CALCR: variants seen among roughly 807,000 people sequenced by gnomAD.
CALCR encodes calcitonin receptor.
Under a neutral mutation model 59.5 loss-of-function variants are expected in CALCR, and 47 were observed. That is an observed-to-expected ratio of 0.79 (90% CI 0.63 to 1.01). The LOEUF (loss-of-function observed/expected upper bound fraction) is 1.01, where lower values mean the gene tolerates loss of function less well. Ranked by LOEUF, CALCR falls within the 50% of genes least tolerant of loss-of-function variation. The pLI, the probability that CALCR is intolerant of heterozygous loss-of-function variation, is 0.00. For missense variants in CALCR, 566 were observed against 597.1 expected (o/e 0.95, Z 0.54); for synonymous variants, 213 against 211.3 (o/e 1.01, Z -0.07).
chr7:93,484,140 G>T, intron 3 of CALCR: 1 of 302,502 alleles, frequency 3.3e-6, no homozygotes, highest in South Asian at 2.7e-5. Context: ...AACCAAACTG[G>T]CAAGCCACCT....
At chr7:93,539,267 T>C (rs118064913) in intron 2 of CALCR, among the ~76,000 whole-genome samples, 2,381 of 152,296 alleles carry the variant, frequency 0.016, 26 homozygotes, top group Middle Eastern at 0.034. Context: ...TCTACATTTA[T>C]TGACTATATC....
rs55879216 is a variant in CALCR at position 93,554,769 on chromosome 7, G to GTATATATA, written c.-27+19512_-27+19519dup. ...ATAGATGTTCAAATTGCCAGGCCAT[G>GTATATATA]TATATATATATATATATATATATTA... is the stretch of plus-strand genomic sequence containing the variant. On this transcript the variant is annotated intron_variant, in intron 2 of 13. Transcript: ENST00000426151. Among the ~76,000 whole-genome samples, 739 of 117,210 alleles carry GTATATATA rather than the reference G, an allele frequency of 6.3e-3. 22 individuals carry two copies. The highest frequency in any genetic ancestry group is 6.9e-3 in the Non-Finnish European group (429 of 62,240). The allele number at this position is 117,210 out of a possible 152,430, so 76.9% of individuals were successfully genotyped here.
chr7:93,563,650 T>C (rs1458705149), intron 2 of CALCR, among the ~76,000 whole-genome samples: 1 of 152,228 alleles, frequency 6.6e-6, no homozygotes, highest in Non-Finnish European at 1.5e-5. Flanking sequence ...CGCTATTTAA[T>C]TCTCTTTACT....
chr7:93,529,558 T>C (rs1479495572), intron 2 of CALCR, among the ~76,000 whole-genome samples: 1 of 152,158 alleles, frequency 6.6e-6, no homozygotes, highest in Non-Finnish European at 1.5e-5. Context: ...AAGAACTACA[T>C]ATTTATTTTT....
At chr7:93,522,669 T>G (rs1801789301) in intron 2 of CALCR, among the ~76,000 whole-genome samples, 1 of 152,190 alleles carries the variant, frequency 6.6e-6, no homozygotes, top group South Asian at 2.1e-4. Flanking sequence ...TTAGTAGTCT[T>G]TGCAAGATCA....
chr7:93,496,065 A>G (rs1033184632), intron 2 of CALCR: 1 of 649,124 alleles, frequency 1.5e-6, no homozygotes. Flanking sequence ...CTTGAAAAGC[A>G]AAGTTAAATT....
At chr7:93,528,195 A>T (rs1788721703) in intron 2 of CALCR, among the ~76,000 whole-genome samples, 1 of 152,132 alleles carries the variant, frequency 6.6e-6, no homozygotes. Context: ...TGCTTACTAC[A>T]CTCATTTATG....
At chr7:93,557,499 A>G (rs954854922) in intron 2 of CALCR, among the ~76,000 whole-genome samples, 2 of 134,682 alleles carry the variant, frequency 1.5e-5, no homozygotes, top group Admixed American at 1.4e-4. Flanking sequence ...TACATCGTGA[A>G]TACTTTTTCC....
At chr7:93,443,808 C>A in intron 8 of CALCR, 51 bp from the exon 9 acceptor site, 2 of 1,520,488 alleles carry the variant, frequency 1.3e-6, no homozygotes, top group Non-Finnish European at 1.8e-6. Context: ...TAAAGATCTG[C>A]CAGGGAGCAC....
chr7:93,443,229 A>T (rs1799946451), intron 9 of CALCR, among the ~76,000 whole-genome samples: 1 of 152,194 alleles, frequency 6.6e-6, no homozygotes, highest in Admixed American at 6.5e-5. Context: ...GGGGAGGTAC[A>T]TAATTCAAAA....
At chr7:93,468,028 G>A (rs1800476551) in intron 7 of CALCR, among the ~76,000 whole-genome samples, 1 of 151,530 alleles carries the variant, frequency 6.6e-6, no homozygotes, top group African/African-American at 2.4e-5. Flanking sequence ...TGTTATGAGT[G>A]CTTTATTTTC....
chr7:93,565,338 C>A (rs1265745479), intron 2 of CALCR, among the ~76,000 whole-genome samples: 1 of 152,154 alleles, frequency 6.6e-6, no homozygotes, highest in Non-Finnish European at 1.5e-5. Context: ...GCTAGAGATG[C>A]CTCTTTAACA....
intron 2 of CALCR, among the ~76,000 whole-genome samples, chr7:93,509,305 C>T (rs1199021973): frequency 1.3e-5 from 2 of 152,096 alleles, no homozygotes; most frequent in Non-Finnish European, 2.9e-5. Context: ...GCCACCTTCT[C>T]CTAGAGTTGC....
At chr7:93,473,590 C>CTTTTT (rs1195826503) in intron 5 of CALCR, among the ~76,000 whole-genome samples, 2 of 123,936 alleles carry the variant, frequency 1.6e-5, no homozygotes, top group African/African-American at 3.1e-5. Flanking sequence ...GCCCCCCCCC[C>CTTTTT]TTTTTTTTTT....
chr7:93,437,825 A>G (rs1799812274), intron 11 of CALCR, among the ~76,000 whole-genome samples: 1 of 152,146 alleles, frequency 6.6e-6, no homozygotes, highest in Non-Finnish European at 1.5e-5. Context: ...TATGAGCTAC[A>G]TTGCTATTAT....
Position 93,434,296 on chromosome 7 carries a change from TA to T in CALCR, c.1150-3del, listed in dbSNP as rs1191196368. 1.9e-6 allele frequency: 3 copies of T among 1,604,586 alleles called. No individual in the cohort carries two copies. Among genetic ancestry groups the T allele is most frequent in the Non-Finnish European group, 8.5e-7 (1 of 1,173,802 alleles). On this transcript the variant is annotated splice_region_variant and splice_polypyrimidine_tract_variant and intron_variant, in intron 12 of 13. Coordinates refer to ENST00000426151, the MANE Select transcript of CALCR (RefSeq NM_001742.4). ...GTAGATGGTCGCAACAAAGAAGCCCTAAAAAGGGAAGGAAAAATACAGTTGA... is the reference window on the plus strand; with the variant it reads ...GTAGATGGTCGCAACAAAGAAGCCCTAAAAGGGAAGGAAAAATACAGTTGA...
intron 7 of CALCR, among the ~76,000 whole-genome samples, chr7:93,461,577 G>A (rs534771162): frequency 6.6e-6 from 1 of 152,162 alleles, no homozygotes; most frequent in South Asian, 2.1e-4. Context: ...TTCTTAATAG[G>A]CTCAAATGAA....
In CALCR at chr7:93,443,898, C is replaced by G. The variant is rs1476484693; in HGVS notation, c.649-141G>C. 9.2e-6 allele frequency: 6 copies of G among 650,740 alleles called. No individual in the cohort carries two copies. The Admixed American group carries it at 1.4e-4, about 15-fold the overall frequency. 40.3% of individuals were successfully genotyped at this position (650,740 alleles called of 1,614,324 possible). ...CCCAAGCATCTGTAAACATGTGCCA[C>G]CTGCTATACCCACAAATCAGAGTGA... On this transcript the variant is annotated intron_variant, in intron 8 of 13. Transcript: ENST00000426151.
At chr7:93,489,442 C>G (rs1801024381) in intron 2 of CALCR, among the ~76,000 whole-genome samples, 1 of 151,034 alleles carries the variant, frequency 6.6e-6, no homozygotes, top group Non-Finnish European at 1.5e-5. Flanking sequence ...CATAGAAACC[C>G]AAAAAACCCT....
Sources: gnomAD v4.1 joint callset for allele counts (sites outside exome capture counted in the v4.1 genomes callset) on GRCh38, gnomAD v4.1.1 for gene constraint, MANE v1.5 for transcripts, NCBI Gene and HGNC (gene_info 2026-07-23, HGNC 2026-07-21) for gene names.